Variants in ARHGEF3 observed in about 807,000 individuals in gnomAD.
ARHGEF3 encodes 59.8 kDA protein.
ARHGEF3 carries 28 observed loss-of-function variants against 63.2 expected under a neutral mutation model. The observed-to-expected ratio is 0.44, with a 90% confidence interval of 0.33 to 0.61. The LOEUF (loss-of-function observed/expected upper bound fraction) is 0.61. Ranked by LOEUF, ARHGEF3 falls within the 20% of genes least tolerant of loss-of-function variation. The pLI is 0.03. For missense variants in ARHGEF3, 533 were observed against 659.3 expected (o/e 0.81, Z 2.10); for synonymous variants, 266 against 254.2 (o/e 1.05, Z -0.44).
intron 2 of ARHGEF3, among the ~76,000 whole-genome samples, chr3:56,973,860 A>T (rs554265083): frequency 6.6e-6 from 1 of 152,310 alleles, no homozygotes; most frequent in South Asian, 2.1e-4. Flanking sequence ...TGGTCAGTCC[A>T]CCGAAGTCAT....
chr3:57,068,847 T>C lies in ARHGEF3; in HGVS notation c.-28+10379A>G, dbSNP rs189731084. 2.6e-5 allele frequency among the ~76,000 whole-genome samples: 4 copies of C among 151,848 alleles called. No individual in the cohort carries two copies. In the East Asian group the frequency reaches 7.7e-4, roughly 29 times the overall value. ...CGCACACACCCCCCTCACTAAAGGA[T>C]GGAAACAAAATCCCTATGAACTGCC... On this transcript the variant is annotated intron_variant, in intron 1 of 12. Coordinates refer to the ARHGEF3 transcript ENST00000338458.
intron 1 of ARHGEF3, among the ~76,000 whole-genome samples, chr3:56,792,726 C>A (rs1036078688): frequency 1.3e-5 from 2 of 152,188 alleles, no homozygotes; most frequent in East Asian, 3.8e-4. Context: ...GAAACACAGC[C>A]TTTTCTCCAC....
intron 3 of ARHGEF3, among the ~76,000 whole-genome samples, chr3:56,957,270 T>G (rs1221902770): frequency 1.3e-5 from 2 of 152,240 alleles, no homozygotes; most frequent in Non-Finnish European, 2.9e-5. Flanking sequence ...CCATGATCTA[T>G]ATTTATTTTT....
intron 3 of ARHGEF3, among the ~76,000 whole-genome samples, chr3:56,894,818 G>T (rs2041245397): frequency 6.6e-6 from 1 of 152,152 alleles, no homozygotes; most frequent in Non-Finnish European, 1.5e-5. Context: ...CTGGGAAATG[G>T]ATTAAATGCT....
chr3:56,913,499 C>A (rs934562159), intron 3 of ARHGEF3, among the ~76,000 whole-genome samples: 7 of 151,984 alleles, frequency 4.6e-5, no homozygotes, highest in Non-Finnish European at 4.4e-5. Flanking sequence ...GAAAAAAAAT[C>A]AAAATTAGAA....
chr3:56,866,880 G>C (rs1560006038), intron 4 of ARHGEF3, among the ~76,000 whole-genome samples: 1 of 152,220 alleles, frequency 6.6e-6, no homozygotes, highest in Non-Finnish European at 1.5e-5. Context: ...CCACTATCCT[G>C]AGAGATCTTT....
At chr3:57,008,474 G>A (rs928417434) in intron 2 of ARHGEF3, among the ~76,000 whole-genome samples, 8 of 147,190 alleles carry the variant, frequency 5.4e-5, no homozygotes, top group South Asian at 2.2e-4. Context: ...TGGATTCCAC[G>A]GACAAGCCTT....
chr3:56,995,646 A>ACT (rs1412051294), intron 2 of ARHGEF3, among the ~76,000 whole-genome samples: 2 of 122,742 alleles, frequency 1.6e-5, no homozygotes, highest in African/African-American at 5.6e-5. Context: ...AGAGAGAGAG[A>ACT]GAGAGAGAGA....
chr3:56,959,006 G>T lies in ARHGEF3; in HGVS notation c.63-117C>A, dbSNP rs563563274. The T allele has an allele frequency of 3.8e-5, 41 of 1,072,088 alleles. No individual in the cohort carries two copies. The East Asian group carries it at 8.8e-4, about 23-fold the overall frequency. The allele number at this position is 1,072,088 out of a possible 1,614,324, so 66.4% of individuals were successfully genotyped here. On this transcript the variant is annotated intron_variant, in intron 2 of 12. Coordinates refer to the ARHGEF3 transcript ENST00000338458. ...ATGCCTCAAGAAATGGCCCAAACAA[G>T]GTGGATGGAGTTTTCAACAGCTCTG...
chr3:56,957,272 T>A (rs1019129486), intron 3 of ARHGEF3, among the ~76,000 whole-genome samples: 4 of 152,252 alleles, frequency 2.6e-5, no homozygotes, highest in Non-Finnish European at 5.9e-5. Context: ...ATGATCTATA[T>A]TTATTTTTAA....
intron 1 of ARHGEF3, among the ~76,000 whole-genome samples, chr3:57,070,701 AT>A (rs1705836777): frequency 6.6e-6 from 1 of 152,146 alleles, no homozygotes; most frequent in African/African-American, 2.4e-5. Flanking sequence ...GCTAACACCT[AT>A]AATCCCAGCA....
At chr3:56,819,707 A>T (rs2038402863) in intron 4 of ARHGEF3, among the ~76,000 whole-genome samples, 1 of 151,238 alleles carries the variant, frequency 6.6e-6, no homozygotes, top group Non-Finnish European at 1.5e-5. Flanking sequence ...TTTTGTAGAA[A>T]TGGGGGTCTT....
chr3:57,016,451 AG>A, intron 2 of ARHGEF3, among the ~76,000 whole-genome samples: 1 of 152,106 alleles, frequency 6.6e-6, no homozygotes, highest in African/African-American at 2.4e-5. Flanking sequence ...CGGGAGGCTG[AG>A]GCAGAGAATT....
intron 1 of ARHGEF3, chr3:57,073,895 C>T (rs1263860814): frequency 2.5e-6 from 4 of 1,614,066 alleles, no homozygotes; most frequent in Non-Finnish European, 3.4e-6. Flanking sequence ...CCTCTGCCCT[C>T]CCAGAGCTGA....
intron 2 of ARHGEF3, among the ~76,000 whole-genome samples, chr3:57,000,392 A>G (rs552279411): frequency 6.6e-6 from 1 of 151,998 alleles, no homozygotes; most frequent in South Asian, 2.1e-4. Context: ...GATCATAGGT[A>G]ACAACTGATG....
At position 56,889,788 on chromosome 3, in the gene ARHGEF3, G is replaced by A. The variant is rs375147027; in HGVS notation, c.130-7434C>T. Among the ~76,000 whole-genome samples, 11 of 152,298 alleles carry A rather than the reference G, an allele frequency of 7.2e-5. No homozygotes were observed. In the East Asian group the frequency reaches 1.3e-3, roughly 19 times the overall value. ...TTAAATATTTGTTTCATGGCTGGGC[G>A]CAGTGGCTCATGCTTGTAATCCCAG... is the stretch of plus-strand genomic sequence containing the variant. On this transcript the variant is annotated intron_variant, in intron 3 of 12. Transcript: ENST00000338458.
intron 6 of ARHGEF3, 132 bp downstream of exon 6, chr3:56,750,924 G>C: frequency 1.7e-6 from 1 of 571,474 alleles, no homozygotes; most frequent in Non-Finnish European, 2.8e-6. Flanking sequence ...ATTTTACTAG[G>C]ATTTTTTTTT....
chr3:56,753,628 T>C (rs995032932), intron 3 of ARHGEF3, 62 bp from the exon 4 acceptor site: 1 of 1,465,768 alleles, frequency 6.8e-7, no homozygotes, highest in Non-Finnish European at 9.5e-7. Flanking sequence ...CATATTCAAA[T>C]AGTGCTGGCT....
At chr3:57,017,349 T>C (rs1309472801) in intron 2 of ARHGEF3, among the ~76,000 whole-genome samples, 2 of 152,134 alleles carry the variant, frequency 1.3e-5, no homozygotes, top group African/African-American at 4.8e-5. Context: ...TACCAGTCCC[T>C]GGAAAGGTTC....
Sources: allele counts gnomAD v4.1 joint callset (sites outside exome capture counted in the v4.1 genomes callset), GRCh38; gene constraint gnomAD v4.1.1; transcripts MANE v1.5; gene names NCBI Gene and HGNC (gene_info 2026-07-23, HGNC 2026-07-21).